The following RAD51B variants were observed in gnomAD, a reference collection of about 807,000 sequenced individuals.
RAD51B encodes RAD51 paralog B, also known as DNA repair protein RAD51 homolog 2.
RAD51B carries 38 observed loss-of-function variants against 42.2 expected under a neutral mutation model. The ratio of observed to expected loss-of-function variants is 0.90; its 90% confidence interval spans 0.70 to 1.18. The LOEUF is 1.18. RAD51B is among the 50% of genes most tolerant of loss of function. The pLI is 0.00. For missense variants in RAD51B, 373 were observed against 400.7 expected (o/e 0.93, Z 0.59); for synonymous variants, 154 against 145.2 (o/e 1.06, Z -0.43).
intron 8 of RAD51B, among the ~76,000 whole-genome samples, chr14:68,295,882 C>T (rs1053405728): frequency 3.9e-5 from 6 of 152,166 alleles, no homozygotes; most frequent in Non-Finnish European, 8.8e-5. Context: ...CCTTGCCCCC[C>T]GCCCCCAAAT....
At chr14:67,828,011 G>A (rs754196527) in intron 3 of RAD51B, among the ~76,000 whole-genome samples, 2 of 152,086 alleles carry the variant, frequency 1.3e-5, no homozygotes, top group African/African-American at 2.4e-5. Context: ...ACCTGGTAAC[G>A]GCATTGCTGG....
chr14:67,910,439 A>ATATATAT (rs1566953757), intron 7 of RAD51B, among the ~76,000 whole-genome samples: 1 of 79,918 alleles, frequency 1.3e-5, no homozygotes, highest in African/African-American at 1.0e-4. Context: ...AAAAAAAAAA[A>ATATATAT]AAATATTTAA....
At chr14:68,200,388 G>A (rs1374957534) in intron 7 of RAD51B, among the ~76,000 whole-genome samples, 1 of 152,136 alleles carries the variant, frequency 6.6e-6, no homozygotes, top group Admixed American at 6.5e-5. Flanking sequence ...ACAGTGCTAT[G>A]TTATTGCTTT....
chr14:67,906,885 C>T (rs1470360817), intron 7 of RAD51B, among the ~76,000 whole-genome samples: 2 of 151,920 alleles, frequency 1.3e-5, no homozygotes, highest in Non-Finnish European at 2.9e-5. Context: ...TCTCAGCTCA[C>T]CACAACCTCT....
At chr14:68,550,925 A>G (rs929735657) in intron 10 of RAD51B, among the ~76,000 whole-genome samples, 1 of 152,248 alleles carries the variant, frequency 6.6e-6, no homozygotes, top group Non-Finnish European at 1.5e-5. Flanking sequence ...AGAGTAGTCA[A>G]CAGAGAAAAC....
At chr14:68,649,522 A>G (rs1395363269) in intron 10 of RAD51B, among the ~76,000 whole-genome samples, 2 of 152,208 alleles carry the variant, frequency 1.3e-5, no homozygotes, top group Admixed American at 1.3e-4. Flanking sequence ...CTAAGTGTCC[A>G]TTGGCCATTA....
In RAD51B at chr14:67,952,561, T is replaced by A. The variant is rs538892009; in HGVS notation, c.756+65357T>A. Among the ~76,000 whole-genome samples, 3 of 151,780 alleles carry A rather than the reference T, an allele frequency of 2.0e-5. No individual in the cohort carries two copies. The East Asian group carries it at 5.8e-4, about 29-fold the overall frequency. On this transcript the variant is annotated intron_variant, in intron 7 of 10. Coordinates refer to ENST00000471583, the MANE Select transcript of RAD51B (RefSeq NM_133510.4). ...TTGAAGTTTGGCCTGTCCAAAAACA[T>A]CTTTTGAGGAAGGACAGATGCTATA...
chr14:68,092,116 T>C (rs2077111133), intron 7 of RAD51B, among the ~76,000 whole-genome samples: 1 of 152,246 alleles, frequency 6.6e-6, no homozygotes, highest in Non-Finnish European at 1.5e-5. Context: ...GTAGTATAGT[T>C]TGAAGTCAGG....
At position 68,329,958 on chromosome 14, in the gene RAD51B, G is replaced by A. The variant is rs34401860; in HGVS notation, c.853+37978G>A. 6.8e-5 allele frequency among the ~76,000 whole-genome samples: 10 copies of A among 146,144 alleles called. No individual in the cohort carries two copies. The South Asian group carries it at 2.3e-3, about 33-fold the overall frequency. The stretch of plus-strand genomic sequence containing the variant: ...GATCGTGCCACAGCACTCCAGCCTG[G>A]GCAACAGACCGAGACTCTGTCTCAA... On this transcript the variant is annotated intron_variant, in intron 8 of 10. Transcript: ENST00000471583.
chr14:67,964,253 G>A (rs1256996294), intron 7 of RAD51B, among the ~76,000 whole-genome samples: 8 of 152,124 alleles, frequency 5.3e-5, no homozygotes, highest in African/African-American at 1.9e-4. Context: ...AACTCCTAGA[G>A]TTAGAAAGGA....
At chr14:68,296,332 C>A (rs2081613165) in intron 8 of RAD51B, among the ~76,000 whole-genome samples, 1 of 152,150 alleles carries the variant, frequency 6.6e-6, no homozygotes. Context: ...GTATTTTCTT[C>A]TTCAGATTTC....
At chr14:68,344,927 A>G (rs2082646053) in intron 8 of RAD51B, among the ~76,000 whole-genome samples, 1 of 146,822 alleles carries the variant, frequency 6.8e-6, no homozygotes, top group Non-Finnish European at 1.5e-5. Context: ...AGCCTGGGCA[A>G]CAGTGTAAGA....
intron 7 of RAD51B, among the ~76,000 whole-genome samples, chr14:68,102,427 G>C (rs1005571691): frequency 2.6e-5 from 4 of 152,144 alleles, no homozygotes; most frequent in Non-Finnish European, 5.9e-5. Flanking sequence ...TCAAGTTCAG[G>C]GTTCCCCAGA....
intron 7 of RAD51B, among the ~76,000 whole-genome samples, chr14:68,281,221 A>G (rs1193296968): frequency 6.6e-6 from 1 of 152,218 alleles, no homozygotes; most frequent in Non-Finnish European, 1.5e-5. Context: ...AGGCTATTTC[A>G]GACTGGGGCA....
intron 7 of RAD51B, among the ~76,000 whole-genome samples, chr14:68,105,937 G>T (rs2077370851): frequency 6.6e-6 from 1 of 151,858 alleles, no homozygotes; most frequent in South Asian, 2.1e-4. Flanking sequence ...GGAAAAATTA[G>T]CTTTTAAACC....
At chr14:68,073,688 A>G (rs2076789952) in intron 7 of RAD51B, among the ~76,000 whole-genome samples, 2 of 152,114 alleles carry the variant, frequency 1.3e-5, no homozygotes, top group African/African-American at 4.8e-5. Flanking sequence ...GTACTCCCTT[A>G]AAGATGCAAG....
At chr14:68,193,701 C>T (rs115466024) in intron 7 of RAD51B, among the ~76,000 whole-genome samples, 394 of 152,302 alleles carry the variant, frequency 2.6e-3, no homozygotes, top group African/African-American at 9.1e-3. Flanking sequence ...AGCCAGAACA[C>T]AAGATGATAT....
intron 7 of RAD51B, among the ~76,000 whole-genome samples, chr14:68,198,104 C>T (rs181399438): frequency 9.1e-4 from 138 of 152,150 alleles, no homozygotes; most frequent in Non-Finnish European, 1.5e-3. Flanking sequence ...ATGATCAATC[C>T]TGAATTAATC....
rs537296159 is a variant in RAD51B at position 68,507,710 on chromosome 14, A to G, written c.1036+39460A>G. Among the ~76,000 whole-genome samples the G allele has an allele frequency of 6.6e-5, 10 of 152,324 alleles. No individual in the cohort carries two copies. In the South Asian group the frequency reaches 1.9e-3, roughly 28 times the overall value. On this transcript the variant is annotated intron_variant, in intron 10 of 10. Coordinates refer to the RAD51B transcript ENST00000487270. ...AATTAACCATGGAATATTCCATTCCACTGCATTACCAAAGTGCCAGCATCA... is the reference window on the plus strand; with the variant it reads ...AATTAACCATGGAATATTCCATTCCGCTGCATTACCAAAGTGCCAGCATCA...
Sources: allele counts gnomAD v4.1 joint callset (sites outside exome capture counted in the v4.1 genomes callset), GRCh38; gene constraint gnomAD v4.1.1; transcripts MANE v1.5; gene names NCBI Gene and HGNC (gene_info 2026-07-23, HGNC 2026-07-21).